Variants in DENND1A observed in about 807,000 individuals in gnomAD.
DENND1A encodes the protein DENN domain-containing protein 1A.
Under a neutral mutation model 113.7 loss-of-function variants are expected in DENND1A, and 51 were observed. That is an observed-to-expected ratio of 0.45 (90% CI 0.36 to 0.57). The LOEUF (loss-of-function observed/expected upper bound fraction) is 0.57. Among genes scored for constraint, DENND1A ranks in the 20% least tolerant of loss-of-function variants. DENND1A has a pLI of 0.00. For synonymous variants in DENND1A, 565 were observed against 570.8 expected (o/e 0.99, Z 0.14); for missense variants, 1,258 against 1,395.9 (o/e 0.90, Z 1.57).
chr9:123,879,036 G>A lies in DENND1A; in HGVS notation c.18-15C>T. 1 of 1,613,278 alleles carries A rather than the reference G, an allele frequency of 6.2e-7. No homozygotes were observed. The highest frequency in any genetic ancestry group is 8.5e-7 in the Non-Finnish European group (1 of 1,179,608). On this transcript the variant is annotated splice_polypyrimidine_tract_variant and intron_variant, in intron 1 of 23. Coordinates refer to ENST00000394215, the MANE Select transcript of DENND1A (RefSeq NM_001352964.2). ...CTGGATTCTGCCTACAAAAGAAACA[G>A]ATCATGATTACTGACAAAGATTGAG...
chr9:123,418,750 C>T (rs900872905), intron 19 of DENND1A, among the ~76,000 whole-genome samples: 5 of 152,174 alleles, frequency 3.3e-5, no homozygotes, highest in Admixed American at 6.5e-5. Flanking sequence ...CTGCAGGGAA[C>T]GAGGGCTGCT....
At chr9:123,647,827 G>C (rs1488904028) in intron 9 of DENND1A, among the ~76,000 whole-genome samples, 1 of 151,360 alleles carries the variant, frequency 6.6e-6, no homozygotes, top group East Asian at 2.0e-4. Context: ...CTATTTCCAG[G>C]ATTTAAATAA....
At chr9:123,514,288 G>C (rs1588928934) in intron 13 of DENND1A, among the ~76,000 whole-genome samples, 1 of 152,280 alleles carries the variant, frequency 6.6e-6, no homozygotes, top group Middle Eastern at 3.4e-3. Flanking sequence ...CCTGAGCCAG[G>C]GGGCAGCCTG....
chr9:123,455,603 G>T (rs7865996), intron 15 of DENND1A, among the ~76,000 whole-genome samples: 4,710 of 152,266 alleles, frequency 0.031, 250 homozygotes, highest in African/African-American at 0.11. Context: ...CCGTACTCTG[G>T]GAAGTACTGT....
chr9:123,592,995 T>C (rs192013723), intron 11 of DENND1A, among the ~76,000 whole-genome samples: 12 of 152,334 alleles, frequency 7.9e-5, no homozygotes, highest in East Asian at 1.9e-4. Flanking sequence ...AAAATCAAGA[T>C]AGCAATAATT....
At chr9:123,896,329 AC>A in intron 1 of DENND1A, among the ~76,000 whole-genome samples, 1 of 151,264 alleles carries the variant, frequency 6.6e-6, no homozygotes, top group East Asian at 1.9e-4. Context: ...AAACAAACAA[AC>A]AAAAAAAAAA....
intron 13 of DENND1A, among the ~76,000 whole-genome samples, chr9:123,542,053 T>C (rs1042037022): frequency 7.2e-5 from 11 of 152,178 alleles, no homozygotes; most frequent in African/African-American, 2.7e-4. Flanking sequence ...GAGAATACAT[T>C]AAGAAATTAG....
chr9:123,393,097 C>G (rs1233064744), intron 21 of DENND1A, among the ~76,000 whole-genome samples: 1 of 152,208 alleles, frequency 6.6e-6, no homozygotes, highest in Admixed American at 6.5e-5. Flanking sequence ...ATCTTTGCAA[C>G]CTTATTTTCT....
chr9:123,549,415 C>T (rs187394241), intron 13 of DENND1A, among the ~76,000 whole-genome samples: 15 of 152,186 alleles, frequency 9.9e-5, no homozygotes, highest in Admixed American at 2.6e-4. Flanking sequence ...GCAGGGAGTG[C>T]GCACCCTCCC....
At chr9:123,455,776 G>C (rs4836926) in intron 15 of DENND1A, among the ~76,000 whole-genome samples, 1 of 152,086 alleles carries the variant, frequency 6.6e-6, no homozygotes, top group African/African-American at 2.4e-5. Context: ...GAATAAGTGA[G>C]CTCAGTTTAA....
At chr9:123,782,441 G>A (rs1831465648) in intron 3 of DENND1A, among the ~76,000 whole-genome samples, 1 of 152,184 alleles carries the variant, frequency 6.6e-6, no homozygotes, top group South Asian at 2.1e-4. Context: ...TAAATTCTGA[G>A]CCCAAAGATT....
rs757723044 is a variant in DENND1A at position 123,792,595 on chromosome 9, T to C, written c.124A>G (p.Ser42Gly). The C allele has an allele frequency of 6.2e-7, 1 of 1,612,960 alleles. No homozygotes were observed. The highest frequency in any genetic ancestry group is 1.1e-5 in the South Asian group (1 of 90,730). ...EVQRQFPEDY[S>G]DQEVLQTLTK... ...AATTACGCATTCCGAACCTGGTCAC[T>C]GTAGTCCTCCGGGAATTGCCTCTGC... Residue 42 changes from serine to glycine, a missense_variant, in exon 3 of 24, where the codon AGT (serine) becomes GGT (glycine). This residue lies in a region of DENND1A where 99 missense variants were observed against 164.2 expected (regional missense o/e 0.60). Coordinates refer to ENST00000394215, the MANE Select transcript of DENND1A (RefSeq NM_001352964.2).
intron 10 of DENND1A, among the ~76,000 whole-genome samples, chr9:123,622,565 G>A (rs922085463): frequency 4.6e-5 from 7 of 152,036 alleles, no homozygotes; most frequent in African/African-American, 7.2e-5. Flanking sequence ...ATAAAATCTC[G>A]GTGATGGGCA....
rs572025755 is a variant in DENND1A, at chr9:123,575,951, T to C, written c.867+7218A>G. On this transcript the variant is annotated intron_variant, in intron 12 of 23. Coordinates refer to ENST00000394215, the MANE Select transcript of DENND1A (RefSeq NM_001352964.2). Reference sequence around the variant, plus strand: ...TGTAAATTGGAGTGTCTAGACAATGTATGTTTAATGTAAAAACCAACATAG... The same window carrying C: ...TGTAAATTGGAGTGTCTAGACAATGCATGTTTAATGTAAAAACCAACATAG... Among the ~76,000 whole-genome samples the C allele has an allele frequency of 4.6e-5, 7 of 152,374 alleles. No homozygotes were observed. In the East Asian group the frequency reaches 1.3e-3, roughly 29 times the overall value.
chr9:123,880,326 C>T (rs1671570420), intron 1 of DENND1A, among the ~76,000 whole-genome samples: 1 of 152,110 alleles, frequency 6.6e-6, no homozygotes, highest in South Asian at 2.1e-4. Flanking sequence ...TTTAAAAGAT[C>T]ACAGAACAGA....
Position 123,419,433 on chromosome 9 carries a change from C to T in DENND1A, c.1489-7604G>A, listed in dbSNP as rs548114941. 2.6e-5 allele frequency among the ~76,000 whole-genome samples: 4 copies of T among 152,366 alleles called. No individual in the cohort carries two copies. The South Asian group carries it at 8.3e-4, about 32-fold the overall frequency. ...CTCAGTTTGTCCCAGGCACATGCCCCAGTCAAATACGTGGCCAGGAATGGA... is the reference window on the plus strand; with the variant it reads ...CTCAGTTTGTCCCAGGCACATGCCCTAGTCAAATACGTGGCCAGGAATGGA... On this transcript the variant is annotated intron_variant, in intron 19 of 23. Coordinates refer to ENST00000394215, the MANE Select transcript of DENND1A (RefSeq NM_001352964.2).
chr9:123,676,697 A>C (rs748866530), intron 6 of DENND1A, 23 bp downstream of exon 6: 1 of 1,605,702 alleles, frequency 6.2e-7, no homozygotes, highest in Admixed American at 1.7e-5. Context: ...TGTTTAAAAG[A>C]ATTATTTTAA....
intron 15 of DENND1A, 58 bp downstream of exon 15, chr9:123,457,290 A>G: frequency 3.0e-6 from 4 of 1,346,250 alleles, no homozygotes; most frequent in Non-Finnish European, 4.3e-6. Context: ...CTCCTTGTCA[A>G]ATATGCCCTA....
chr9:123,677,764 TCCATCGCA>T (rs1221639403), intron 5 of DENND1A, among the ~76,000 whole-genome samples: 1 of 152,178 alleles, frequency 6.6e-6, no homozygotes, highest in African/African-American at 2.4e-5. Context: ...AATGCAAATC[TCCATCGCA>T]CATTGTACTT....
Sources: gnomAD v4.1 joint callset for allele counts (sites outside exome capture counted in the v4.1 genomes callset) on GRCh38, gnomAD v4.1.1 for gene constraint, gnomAD v4.1.1 regional missense constraint, MANE v1.5 for transcripts, NCBI Gene and HGNC (gene_info 2026-07-23, HGNC 2026-07-21) for gene names.